The following DGKQ variants were observed in gnomAD, a reference collection of about 807,000 sequenced individuals.
DGKQ encodes DAG kinase theta.
DGKQ carries 97 observed loss-of-function variants against 104.2 expected under a neutral mutation model. The observed-to-expected ratio is 0.93, with a 90% confidence interval of 0.79 to 1.10. DGKQ has a LOEUF of 1.10. Among genes scored for constraint, DGKQ ranks in the 50% least tolerant of loss-of-function variants. The pLI is 0.00. For missense variants in DGKQ, 1,465 were observed against 1,352.1 expected (o/e 1.08, Z -1.31); for synonymous variants, 736 against 595.2 (o/e 1.24, Z -3.44).
chr4:966,433 G>C, intron 12 of DGKQ, 33 bp downstream of exon 12: 2 of 1,607,420 alleles, frequency 1.2e-6, no homozygotes, highest in Non-Finnish European at 8.5e-7. Flanking sequence ...AGGGCTGCTG[G>C]TTCCCTGGGG....
chr4:964,818 C>G (rs1712171964), intron 15 of DGKQ, among the ~76,000 whole-genome samples: 1 of 151,994 alleles, frequency 6.6e-6, no homozygotes, highest in African/African-American at 2.4e-5. Context: ...GCAGCGGGGC[C>G]CGGCACATCC....
At chr4:965,718 A>C (rs562658269) in intron 13 of DGKQ, among the ~76,000 whole-genome samples, 189 bp from the exon 14 acceptor site, 1 of 152,228 alleles carries the variant, frequency 6.6e-6, no homozygotes, top group South Asian at 2.1e-4. Flanking sequence ...CCAGAGGGAG[A>C]GGGAGAGGCA....
chr4:966,922 A>G, intron 10 of DGKQ, 42 bp downstream of exon 10: 6 of 1,548,356 alleles, frequency 3.9e-6, no homozygotes, highest in Non-Finnish European at 5.2e-6. Flanking sequence ...GCGACCCCCC[A>G]CCGAGTCTGG....
chr4:968,130 A>AT, intron 5 of DGKQ, 103 bp from the exon 6 acceptor site: 4 of 775,608 alleles, frequency 5.2e-6, no homozygotes, highest in Non-Finnish European at 1.7e-6. Context: ...ACCCACCTGG[A>AT]CCCCGTGTCC....
chr4:965,346 C>A, intron 14 of DGKQ, 55 bp from the exon 15 acceptor site: 2 of 1,584,962 alleles, frequency 1.3e-6, no homozygotes, highest in Non-Finnish European at 1.7e-6. Flanking sequence ...CCCACGGTGC[C>A]AGGGCAGGAA....
Position 973,552 on chromosome 4 carries a change from G to C in DGKQ, c.-70C>G, listed in dbSNP as rs1381262996. ...TACAGGAGCCGCCGCTCCACGGCCC[G>C]GTACACTGCTTCCGACTGCGCCTGC... On this transcript the variant is annotated 5_prime_UTR_variant, in exon 1 of 23. Transcript: ENST00000273814. 3 of 982,686 alleles carry C rather than the reference G, an allele frequency of 3.1e-6. No individual in the cohort carries two copies. Among genetic ancestry groups the C allele is most frequent in the African/African-American group, 1.8e-5 (1 of 57,038 alleles). 60.9% of individuals were successfully genotyped at this position (982,686 alleles called of 1,614,324 possible).
In DGKQ at chr4:961,985, C is replaced by T. The variant is rs1442618886; in HGVS notation, c.2312G>A (p.Ser771Asn). 6.2e-7 allele frequency: 1 copy of T among 1,613,128 alleles called. No homozygotes were observed. The highest frequency in any genetic ancestry group is 8.5e-7 in the Non-Finnish European group (1 of 1,179,894). The part of the protein sequence containing the change: ...AREEEPGKFT[S>N]RLHNKGVYVR... ...GTAGCCCCTGCGGCTCCGGTACCTG[C>T]TTGTGAACTTGCCAGGCTCCTCTTC... The change falls in exon 19 of 23, where the codon AGC becomes AAC. Residue 771 changes from serine (S) to asparagine (N), a missense_variant. By Grantham distance (46) the Ser-to-Asn change is conservative (BLOSUM62 1). Transcript: ENST00000273814.
intron 22 of DGKQ, 145 bp downstream of exon 22, chr4:960,904 C>G: frequency 2.7e-6 from 4 of 1,490,852 alleles, no homozygotes; most frequent in Non-Finnish European, 3.6e-6. Context: ...CTGGCACAGC[C>G]CTCCTCTGAA....
At chr4:961,327 C>T (rs570534692) in intron 21 of DGKQ, 126 bp from the exon 22 acceptor site, 8 of 1,239,812 alleles carry the variant, frequency 6.5e-6, no homozygotes, top group South Asian at 3.1e-5. Context: ...GGCCCTGGGG[C>T]GGGAGAGGCC....
Position 960,506 on chromosome 4 carries a change from A to G in DGKQ, c.*114T>C, listed in dbSNP as rs1711794074. On this transcript the variant is annotated 3_prime_UTR_variant, in exon 23 of 23. Coordinates refer to ENST00000273814, the MANE Select transcript of DGKQ (RefSeq NM_001347.4). ...AGATGCTGTGGTCAGGGCTGTAGCCAGGTCCGACCACAGGGCCGGCCACTG... is the reference window on the plus strand; with the variant it reads ...AGATGCTGTGGTCAGGGCTGTAGCCGGGTCCGACCACAGGGCCGGCCACTG... 6 of 921,932 alleles carry G rather than the reference A, an allele frequency of 6.5e-6. No individual in the cohort carries two copies. The highest frequency in any genetic ancestry group is 1.4e-5 in the South Asian group (1 of 69,296). The allele number at this position is 921,932 out of a possible 1,614,324, so 57.1% of individuals were successfully genotyped here. A position where few individuals can be genotyped will look rare whatever the true frequency, so the allele number is the denominator to read the frequency against.
At chr4:970,567 G>T (rs554525580) in intron 2 of DGKQ, among the ~76,000 whole-genome samples, 1 of 152,296 alleles carries the variant, frequency 6.6e-6, no homozygotes, top group Non-Finnish European at 1.5e-5. Context: ...TAGCTGTGAG[G>T]AAACTGAACA....
At position 962,785 on chromosome 4, in the gene DGKQ, C is replaced by T. The variant is rs1230124831; in HGVS notation, c.2022G>A (p.Leu674=). The T allele has an allele frequency of 6.2e-7, 1 of 1,605,644 alleles. No individual in the cohort carries two copies. The highest frequency in any genetic ancestry group is 1.3e-5 in the African/African-American group (1 of 74,968). ...LACPEPSVAI[L]PLGTGNDLGR... ...GGCTGAGCCCACCTGTGCCCAGGGG[C>T]AGGATGGCCACAGAAGGCTCCGGGC... is the stretch of plus-strand genomic sequence containing the variant. The change falls in exon 17 of 23, where the codon CTG becomes CTA. Residue 674 remains leucine, a synonymous_variant. Transcript: ENST00000273814.
At position 962,578 on chromosome 4, in the gene DGKQ, C is replaced by A; in HGVS notation, c.2071G>T (p.Gly691Cys). ...GAGAACGGGTCCTCGCCGCTGTAGC[C>A]CGCCCCCCAGCGGAGGACTCGACCA... is the stretch of plus-strand genomic sequence containing the variant. ...DLGRVLRWGAGYSGEDPFSVL... is the reference protein window; with the variant it reads ...DLGRVLRWGACYSGEDPFSVL... Residue 691 changes from glycine to cysteine, a missense_variant, in exon 18 of 23, where the codon GGC becomes TGC. Gly to Cys is a radical substitution (Grantham distance 159). Transcript: ENST00000273814. The A allele has an allele frequency of 1.2e-5, 20 of 1,609,558 alleles. No individual in the cohort carries two copies. Among genetic ancestry groups the A allele is most frequent in the Non-Finnish European group, 1.7e-5 (20 of 1,179,908 alleles).
In DGKQ at chr4:961,221, C is replaced by T; in HGVS notation, c.2575-20G>A. The stretch of plus-strand genomic sequence containing the variant: ...CTGGCCCTGGGGCGGGAGAGGCCAG[C>T]CGGGCTCAGCGGGGATCAGGGACGC... On this transcript the variant is annotated intron_variant, in intron 21 of 22. Transcript: ENST00000273814. 1 of 1,527,284 alleles carries T rather than the reference C, an allele frequency of 6.5e-7. No individual in the cohort carries two copies. Among genetic ancestry groups the T allele is most frequent in the South Asian group, 1.3e-5 (1 of 78,748 alleles). 94.6% of individuals were successfully genotyped at this position (1,527,284 alleles called of 1,614,324 possible). A position where few individuals can be genotyped will look rare whatever the true frequency, so the allele number is the denominator to read the frequency against.
At chr4:963,754 C>T (rs969682886) in intron 15 of DGKQ, among the ~76,000 whole-genome samples, 12 of 152,222 alleles carry the variant, frequency 7.9e-5, no homozygotes, top group Admixed American at 7.8e-4. Context: ...GAGAAAAGCT[C>T]TTAACTCACA....
intron 15 of DGKQ, among the ~76,000 whole-genome samples, chr4:963,695 C>T (rs1160866469): frequency 6.6e-6 from 1 of 152,224 alleles, no homozygotes; most frequent in Non-Finnish European, 1.5e-5. Flanking sequence ...CTGGTGCACA[C>T]CTTTGGAGGA....
rs978782454 is a variant in DGKQ, at chr4:959,702, A to C, written c.*918T>G. 2 of 144,500 alleles carry C rather than the reference A, an allele frequency of 1.4e-5. No homozygotes were observed. The highest frequency in any genetic ancestry group is 5.2e-5 in the African/African-American group (2 of 38,680). 9.0% of individuals were successfully genotyped at this position (144,500 alleles called of 1,614,324 possible). The stretch of plus-strand genomic sequence containing the variant: ...AGTGCTAGCGTGGGGTCTGGGGCTG[A>C]AAGCCAGCTCCTCCTCCACGTGCAT... On this transcript the variant is annotated 3_prime_UTR_variant, in exon 23 of 23. Coordinates refer to ENST00000273814, the MANE Select transcript of DGKQ (RefSeq NM_001347.4).
Position 971,431 on chromosome 4 carries a change from G to A in DGKQ, c.272-359C>T, listed in dbSNP as rs749079880. 2.2e-4 allele frequency among the ~76,000 whole-genome samples: 34 copies of A among 152,188 alleles called. No homozygotes were observed. The highest frequency in any genetic ancestry group is 4.0e-4 in the Non-Finnish European group (27 of 68,020). On this transcript the variant is annotated intron_variant, in intron 1 of 22. Coordinates refer to ENST00000273814, the MANE Select transcript of DGKQ (RefSeq NM_001347.4). The surrounding 1 kb of genome is among the most constrained non-coding windows in gnomAD (Gnocchi z 4.0). Reference sequence around the variant, plus strand: ...GTTCGCCAGGTGGCAGGGGCTTCTCGGCCTTCGGCAGATTGGCTTTACCAA... The same window carrying A: ...GTTCGCCAGGTGGCAGGGGCTTCTCAGCCTTCGGCAGATTGGCTTTACCAA...
chr4:967,572 G>C lies in DGKQ; in HGVS notation c.964C>G (p.Leu322Val). Residue 322 changes from leucine to valine, a missense_variant, in exon 8 of 23, where the codon CTG (leucine) becomes GTG (valine). Leu to Val is a conservative substitution (Grantham distance 32, BLOSUM62 1). Transcript: ENST00000273814. Reference protein sequence around the residue: ...SQFRLVTVSRLAGAEEVLEAA... With the variant: ...SQFRLVTVSRVAGAEEVLEAA... ...ACCAGCACCTCCTCGGCACCGGCCA[G>C]GCGGGACACCGTGACGAGGCGGAAC... 1 of 1,612,644 alleles carries C rather than the reference G, an allele frequency of 6.2e-7. No individual in the cohort carries two copies. Among genetic ancestry groups the C allele is most frequent in the Non-Finnish European group, 8.5e-7 (1 of 1,179,850 alleles).
Sources: gnomAD v4.1 joint callset for allele counts (sites outside exome capture counted in the v4.1 genomes callset) on GRCh38, gnomAD v4.1.1 for gene constraint, Gnocchi (gnomAD v3.1) non-coding constraint, MANE v1.5 for transcripts, NCBI Gene and HGNC (gene_info 2026-07-23, HGNC 2026-07-21) for gene names.